Variants in RNF216 observed in about 807,000 individuals in gnomAD.
The protein encoded by RNF216 is ring finger protein 216.
A neutral mutation model predicts 110.8 loss-of-function variants in RNF216; 72 were observed. The ratio of observed to expected loss-of-function variants is 0.65; its 90% CI spans 0.54 to 0.79. RNF216 has a LOEUF of 0.79. RNF216 is among the 30% of genes least tolerant of loss of function. The pLI is 0.00. For missense variants in RNF216, 1,342 were observed against 1,141.2 expected (o/e 1.18, Z -2.54); for synonymous variants, 495 against 407.5 (o/e 1.21, Z -2.59).
chr7:5,672,312 T>C (rs1340591127), intron 13 of RNF216, among the ~76,000 whole-genome samples: 2 of 152,242 alleles, frequency 1.3e-5, no homozygotes, highest in African/African-American at 4.8e-5. Context: ...GGGGGAATGA[T>C]AATCTTGTAG....
intron 15 of RNF216, among the ~76,000 whole-genome samples, chr7:5,639,299 G>A (rs995136649): frequency 1.3e-5 from 2 of 152,194 alleles, no homozygotes; most frequent in African/African-American, 2.4e-5. Context: ...TCTAGGGGTG[G>A]CAGAGTAGAA....
chr7:5,694,232 A>G (rs1791497276), intron 13 of RNF216, among the ~76,000 whole-genome samples: 1 of 152,236 alleles, frequency 6.6e-6, no homozygotes, highest in African/African-American at 2.4e-5. Flanking sequence ...ATTTGCTGGA[A>G]CAGTTTTCAA....
Position 5,624,113 on chromosome 7 carries a change from TCTC to T in RNF216, c.2392_2394del (p.Glu798del). 1 of 1,613,576 alleles carries T rather than the reference TCTC, an allele frequency of 6.2e-7. No individual in the cohort carries two copies. The highest frequency in any genetic ancestry group is 8.5e-7 in the Non-Finnish European group (1 of 1,179,898). On this transcript the variant is annotated inframe_deletion, in exon 16 of 17. Transcript: ENST00000389902. The surrounding 1 kb of genome is among the most constrained non-coding windows in gnomAD (Gnocchi z 4.4). ...TCCTTCTGGATTTCCTCAATAAGCT[TCTC>T]ATCATCTTCCTAAAACGCAAGCAAT...
chr7:5,689,217 C>A (rs970823864), intron 13 of RNF216, among the ~76,000 whole-genome samples: 1 of 151,866 alleles, frequency 6.6e-6, no homozygotes, highest in Non-Finnish European at 1.5e-5. Context: ...TTGACGGGGG[C>A]AAAGGGCAGG....
intron 7 of RNF216, 123 bp downstream of exon 7, chr7:5,729,309 C>A (rs546124950): frequency 1.0e-5 from 9 of 866,322 alleles, no homozygotes; most frequent in African/African-American, 3.4e-5. Flanking sequence ...TTTATCTTCA[C>A]CCTAATAAAT....
At chr7:5,629,897 A>G (rs1052891264) in intron 15 of RNF216, among the ~76,000 whole-genome samples, 1 of 151,578 alleles carries the variant, frequency 6.6e-6, no homozygotes, top group African/African-American at 2.4e-5. Flanking sequence ...CATGAGGCCT[A>G]GTCCCTCATA....
chr7:5,706,105 A>G (rs533584085), intron 13 of RNF216, among the ~76,000 whole-genome samples: 1 of 151,964 alleles, frequency 6.6e-6, no homozygotes, highest in East Asian at 1.9e-4. Context: ...CTGTAGTCCC[A>G]GCTATTCAGG....
intron 13 of RNF216, among the ~76,000 whole-genome samples, chr7:5,672,654 CATAA>C (rs1789991710): frequency 6.6e-6 from 1 of 152,194 alleles, no homozygotes; most frequent in Non-Finnish European, 1.5e-5. Flanking sequence ...AGACTCATCG[CATAA>C]ATACTTATGT....
intron 14 of RNF216, among the ~76,000 whole-genome samples, chr7:5,649,050 G>C (rs1037148874): frequency 2.6e-5 from 4 of 152,178 alleles, no homozygotes; most frequent in Admixed American, 2.6e-4. Flanking sequence ...TCAGGGATTT[G>C]GATTTGCTTG....
chr7:5,638,687 C>T (rs1242944292), intron 15 of RNF216, among the ~76,000 whole-genome samples: 1 of 148,018 alleles, frequency 6.8e-6, no homozygotes, highest in Non-Finnish European at 1.5e-5. Flanking sequence ...ACCCAGGCTA[C>T]AGTGCAGTGG....
intron 3 of RNF216, among the ~76,000 whole-genome samples, chr7:5,747,112 T>G (rs981044642): frequency 2.0e-5 from 3 of 152,216 alleles, no homozygotes; most frequent in African/African-American, 4.8e-5. Context: ...AACTCTGAGT[T>G]GCCTTTCTTC....
Position 5,741,133 on chromosome 7 carries a change from G to A in RNF216, c.884C>T (p.Pro295Leu). ...CTGCTGGTCTTCAAACTCTCCTAGA[G>A]GATGGGCAGGCTGAGGAGAAGAGGG... ...SGPSSPQPAHPLGEFEDQQLA... is the reference protein window; with the variant it reads ...SGPSSPQPAHLLGEFEDQQLA... Residue 295 changes from proline (P) to leucine (L), a missense_variant, in exon 4 of 17, where the codon CCT becomes CTT. Coordinates refer to ENST00000389902, the MANE Select transcript of RNF216 (RefSeq NM_207111.4). 6.2e-7 allele frequency: 1 copy of A among 1,614,140 alleles called. No homozygotes were observed. Among genetic ancestry groups the A allele is most frequent in the Non-Finnish European group, 8.5e-7 (1 of 1,180,042 alleles).
intron 13 of RNF216, among the ~76,000 whole-genome samples, chr7:5,684,013 G>A (rs548202064): frequency 6.6e-6 from 1 of 152,022 alleles, no homozygotes; most frequent in South Asian, 2.1e-4. Context: ...GAAGACCAAG[G>A]CAGCAGCAAG....
intron 15 of RNF216, among the ~76,000 whole-genome samples, chr7:5,640,833 G>T (rs1039304476): frequency 6.6e-6 from 1 of 152,154 alleles, no homozygotes; most frequent in East Asian, 1.9e-4. Flanking sequence ...TCAGGCTTTG[G>T]AATCAGCGTT....
chr7:5,762,138 G>A (rs940180869), intron 1 of RNF216, among the ~76,000 whole-genome samples: 2 of 152,046 alleles, frequency 1.3e-5, no homozygotes, highest in Non-Finnish European at 2.9e-5. Flanking sequence ...ATACAACACA[G>A]TTAAATTAAC....
At chr7:5,626,226 G>A (rs852458) in intron 15 of RNF216, among the ~76,000 whole-genome samples, 2,281 of 152,138 alleles carry the variant, frequency 0.015, 34 homozygotes, top group South Asian at 0.038. Context: ...TCCACAAGGG[G>A]GAACTTACTA....
chr7:5,709,691 C>T (rs1247545676), intron 13 of RNF216, among the ~76,000 whole-genome samples: 1 of 152,216 alleles, frequency 6.6e-6, no homozygotes, highest in Non-Finnish European at 1.5e-5. Flanking sequence ...CTCCCACCAA[C>T]ATGCCAAGTT....
chr7:5,686,832 G>A (rs6956890), intron 13 of RNF216, among the ~76,000 whole-genome samples: 17,061 of 152,178 alleles, frequency 0.11, 2,312 homozygotes, highest in African/African-American at 0.33. Context: ...ACTCTCATAA[G>A]GAGTGTGCAA....
chr7:5,687,287 T>C (rs1230368473), intron 13 of RNF216, among the ~76,000 whole-genome samples: 3 of 149,012 alleles, frequency 2.0e-5, no homozygotes, highest in Admixed American at 1.3e-4. Context: ...TCTCAGCTAC[T>C]TGGGAGGCTG....
Sources: gnomAD v4.1 joint callset for allele counts (sites outside exome capture counted in the v4.1 genomes callset) on GRCh38, gnomAD v4.1.1 for gene constraint, Gnocchi (gnomAD v3.1) non-coding constraint, MANE v1.5 for transcripts, NCBI Gene and HGNC (gene_info 2026-07-23, HGNC 2026-07-21) for gene names.